AK5: variants seen among roughly 807,000 people sequenced by gnomAD.
The protein encoded by AK5 is adenylate kinase 5.
In AK5, 27 loss-of-function variants were observed where a neutral mutation model predicts 69.5. The ratio of observed to expected loss-of-function variants is 0.39; its 90% CI spans 0.29 to 0.54. The LOEUF (loss-of-function observed/expected upper bound fraction) is 0.54, where lower values mean the gene tolerates loss of function less well. Ranked by LOEUF, AK5 falls within the 20% of genes least tolerant of loss-of-function variation. AK5 has a pLI of 0.71. For synonymous variants in AK5, 260 were observed against 244.4 expected (o/e 1.06, Z -0.60); for missense variants, 531 against 700.4 (o/e 0.76, Z 2.73).
intron 6 of AK5, among the ~76,000 whole-genome samples, chr1:77,341,291 C>T (rs865830075): frequency 2.2e-4 from 34 of 152,096 alleles, no homozygotes; most frequent in Admixed American, 2.0e-4. Flanking sequence ...AGCATTAAAG[C>T]GTAGAGGAGA....
chr1:77,503,808 G>A (rs1656867053), intron 10 of AK5, among the ~76,000 whole-genome samples: 1 of 152,040 alleles, frequency 6.6e-6, no homozygotes, highest in Non-Finnish European at 1.5e-5. Flanking sequence ...AGAAGGCTGA[G>A]GCAGGAGAAT....
rs563135950 is a variant in AK5 at position 77,496,528 on chromosome 1, A to C, written c.1147+10176A>C. On this transcript the variant is annotated intron_variant, in intron 10 of 13. Transcript: ENST00000354567. ...CAGGTAAGGAAAAAGGAGACAGTTG[A>C]GGTGAAAAAAGAAAAGCAGATCCAA... is the stretch of plus-strand genomic sequence containing the variant. Among the ~76,000 whole-genome samples the C allele has an allele frequency of 1.1e-4, 17 of 152,264 alleles. 1 individual carries two copies. The East Asian group carries it at 3.1e-3, about 28-fold the overall frequency.
chr1:77,368,241 A>ATATATATATGT (rs1553140310), intron 6 of AK5, among the ~76,000 whole-genome samples: 680 of 23,252 alleles, frequency 0.029, 43 homozygotes, highest in South Asian at 0.051. Context: ...ATATATATAT[A>ATATATATATGT]TATATATATA....
At chr1:77,344,675 T>C (rs1661821614) in intron 6 of AK5, among the ~76,000 whole-genome samples, 1 of 152,198 alleles carries the variant, frequency 6.6e-6, no homozygotes, top group South Asian at 2.1e-4. Context: ...TTAATCTTTC[T>C]TGTAAAAGTT....
intron 8 of AK5, among the ~76,000 whole-genome samples, chr1:77,455,299 T>C (rs1653407894): frequency 1.3e-5 from 2 of 152,128 alleles, no homozygotes; most frequent in East Asian, 3.9e-4. Flanking sequence ...GTAAGGCCTT[T>C]GGGAGGTGAT....
At chr1:77,318,023 G>A (rs192288844) in intron 5 of AK5, among the ~76,000 whole-genome samples, 7 of 152,280 alleles carry the variant, frequency 4.6e-5, no homozygotes, top group African/African-American at 7.2e-5. Context: ...GGTCTGTTGC[G>A]AATAATAGTG....
At chr1:77,489,419 GA>G (rs2100733943) in intron 10 of AK5, among the ~76,000 whole-genome samples, 1 of 152,300 alleles carries the variant, frequency 6.6e-6, no homozygotes, top group East Asian at 1.9e-4. Flanking sequence ...TGTACATACT[GA>G]ACTCTGAGAA....
At chr1:77,462,543 A>AT (rs1653905407) in intron 8 of AK5, among the ~76,000 whole-genome samples, 1 of 151,990 alleles carries the variant, frequency 6.6e-6, no homozygotes, top group African/African-American at 2.4e-5. Flanking sequence ...ATTCTTGTGA[A>AT]TATATATATA....
intron 7 of AK5, 135 bp from the exon 8 acceptor site, chr1:77,417,504 C>T: frequency 1.6e-6 from 1 of 627,288 alleles, no homozygotes. Flanking sequence ...TTGTACCTGG[C>T]AGATGAGAAC....
At chr1:77,357,874 G>A (rs1021410523) in intron 6 of AK5, among the ~76,000 whole-genome samples, 12 of 152,280 alleles carry the variant, frequency 7.9e-5, no homozygotes, top group African/African-American at 2.6e-4. Context: ...TGAAGGATGA[G>A]CAGCTTTCAA....
At chr1:77,356,026 T>C (rs200354803) in intron 6 of AK5, among the ~76,000 whole-genome samples, 2 of 152,162 alleles carry the variant, frequency 1.3e-5, no homozygotes, top group East Asian at 3.9e-4. Flanking sequence ...CTGCAGTTGA[T>C]CATAGGTAAC....
chr1:77,412,863 A>G (rs1650136092), intron 7 of AK5, among the ~76,000 whole-genome samples: 1 of 151,944 alleles, frequency 6.6e-6, no homozygotes, highest in Non-Finnish European at 1.5e-5. Flanking sequence ...TCTTGCCCTC[A>G]CACTCCACAC....
intron 1 of AK5, chr1:77,283,263 C>G (rs1658164604): frequency 1.0e-6 from 1 of 985,336 alleles, no homozygotes; most frequent in Admixed American, 6.1e-5. Flanking sequence ...AAAAACATTC[C>G]TGAATCTCAA....
chr1:77,404,020 C>T lies in AK5; in HGVS notation c.892-6961C>T, dbSNP rs553768944. Among the ~76,000 whole-genome samples the T allele has an allele frequency of 6.0e-3, 907 of 152,074 alleles. 4 individuals carry two copies. Among genetic ancestry groups the T allele is most frequent in the African/African-American group, 0.01 (423 of 41,474 alleles). On this transcript the variant is annotated intron_variant, in intron 6 of 13. Coordinates refer to ENST00000354567, the MANE Select transcript of AK5 (RefSeq NM_174858.3). ...CCTTGAAGAGGTCCTTCACATCCCT[C>T]GTAAGTTGGATTCCTAGGTATTTTA...
chr1:77,353,258 G>A (rs1434856790), intron 6 of AK5, among the ~76,000 whole-genome samples: 3 of 151,998 alleles, frequency 2.0e-5, no homozygotes, highest in African/African-American at 7.3e-5. Context: ...TGGGCGGATT[G>A]CCTGAGGTCA....
intron 8 of AK5, among the ~76,000 whole-genome samples, chr1:77,456,642 G>A (rs1195883579): frequency 6.6e-6 from 1 of 152,152 alleles, no homozygotes; most frequent in African/African-American, 2.4e-5. Context: ...AGCTTACCTG[G>A]TAAAATGCCC....
intron 13 of AK5, among the ~76,000 whole-genome samples, chr1:77,554,898 G>A (rs922255824): frequency 6.6e-6 from 1 of 151,458 alleles, no homozygotes; most frequent in African/African-American, 2.4e-5. Context: ...TTACAGGCGT[G>A]AGCCACCATG....
At chr1:77,409,586 A>G (rs957460534) in intron 6 of AK5, among the ~76,000 whole-genome samples, 3 of 151,704 alleles carry the variant, frequency 2.0e-5, no homozygotes, top group African/African-American at 4.8e-5. Flanking sequence ...TAATGGAGGT[A>G]TTTGTTTTAC....
intron 6 of AK5, among the ~76,000 whole-genome samples, chr1:77,349,736 AC>A (rs1435772591): frequency 6.6e-6 from 1 of 152,254 alleles, no homozygotes; most frequent in Non-Finnish European, 1.5e-5. Context: ...AAGAAATTAT[AC>A]TACAAATGGC....
Sources: allele counts gnomAD v4.1 joint callset (sites outside exome capture counted in the v4.1 genomes callset), GRCh38; gene constraint gnomAD v4.1.1; transcripts MANE v1.5; gene names NCBI Gene and HGNC (gene_info 2026-07-23, HGNC 2026-07-21).